The following CSMD2 variants were observed in gnomAD, a reference collection of about 807,000 sequenced individuals.
CSMD2 encodes CUB and sushi domain-containing protein 2.
CSMD2 carries 130 observed loss-of-function variants against 398.5 expected under a neutral mutation model. That is an observed-to-expected ratio of 0.33 (90% CI 0.28 to 0.38). The LOEUF (loss-of-function observed/expected upper bound fraction) is 0.38. CSMD2 is among the 10% of genes least tolerant of loss of function. The pLI is 1.00. For synonymous variants in CSMD2, 1,828 were observed against 1,908.5 expected (o/e 0.96, Z 1.10); for missense variants, 3,829 against 4,764.9 (o/e 0.80, Z 5.78).
chr1:33,673,353 G>C (rs1477476492), intron 25 of CSMD2, among the ~76,000 whole-genome samples: 1 of 152,222 alleles, frequency 6.6e-6, no homozygotes, highest in Non-Finnish European at 1.5e-5. Flanking sequence ...CTGTAAGAAA[G>C]GGTATCAGCG....
At chr1:33,838,337 GT>G (rs1270963547) in intron 6 of CSMD2, among the ~76,000 whole-genome samples, 5 of 152,190 alleles carry the variant, frequency 3.3e-5, no homozygotes, top group African/African-American at 7.2e-5. Flanking sequence ...TTTTGCTAGA[GT>G]TTTCTTTGCA....
intron 5 of CSMD2, among the ~76,000 whole-genome samples, chr1:33,914,197 C>A (rs1643606159): frequency 6.6e-6 from 1 of 152,064 alleles, no homozygotes; most frequent in Non-Finnish European, 1.5e-5. Context: ...AGAAAGAAAA[C>A]CCACCACCCC....
At chr1:33,907,849 G>T (rs1168990462) in intron 5 of CSMD2, among the ~76,000 whole-genome samples, 1 of 152,074 alleles carries the variant, frequency 6.6e-6, no homozygotes, top group Non-Finnish European at 1.5e-5. Context: ...GTACAGACTG[G>T]GCTGGGCGTG....
chr1:33,929,872 GGC>G (rs1644256774), intron 4 of CSMD2, among the ~76,000 whole-genome samples: 4 of 152,040 alleles, frequency 2.6e-5, no homozygotes, highest in African/African-American at 4.8e-5. Context: ...TCACACAACA[GGC>G]TCCTCCTTGT....
intron 13 of CSMD2, among the ~76,000 whole-genome samples, chr1:33,753,048 A>T (rs772042577): frequency 1.3e-5 from 2 of 152,252 alleles, no homozygotes; most frequent in Non-Finnish European, 2.9e-5. Context: ...GTTGGGACTT[A>T]CATTTGAAAG....
chr1:33,717,032 TAAACA>T (rs1406526852), intron 19 of CSMD2, among the ~76,000 whole-genome samples: 1 of 151,226 alleles, frequency 6.6e-6, no homozygotes, highest in Non-Finnish European at 1.5e-5. Flanking sequence ...CACCAAGGAG[TAAACA>T]ATTGACATGG....
At chr1:34,152,253 T>G (rs1254010151) in intron 1 of CSMD2, among the ~76,000 whole-genome samples, 3 of 152,190 alleles carry the variant, frequency 2.0e-5, no homozygotes, top group Non-Finnish European at 4.4e-5. Flanking sequence ...TCATGTACTT[T>G]TGACTGTTCA....
intron 52 of CSMD2, among the ~76,000 whole-genome samples, chr1:33,568,136 A>AC (rs1180190023): frequency 1.2e-4 from 19 of 152,116 alleles, no homozygotes; most frequent in Non-Finnish European, 2.2e-4. Context: ...CCTTCTATAA[A>AC]AAAACAAACA....
chr1:33,820,580 A>AAAC, intron 7 of CSMD2, 24 bp from the exon 8 acceptor site: 2 of 1,176,008 alleles, frequency 1.7e-6, no homozygotes, highest in South Asian at 1.3e-5. Flanking sequence ...AAAAAAAAAA[A>AAAC]AAAAAAAACA....
intron 25 of CSMD2, among the ~76,000 whole-genome samples, chr1:33,675,198 T>A (rs562018508): frequency 6.6e-6 from 1 of 151,902 alleles, no homozygotes; most frequent in Admixed American, 6.5e-5. Context: ...TCAACAAAAT[T>A]GATAGACTGC....
At chr1:34,065,162 C>A (rs942115405) in intron 2 of CSMD2, among the ~76,000 whole-genome samples, 1 of 152,168 alleles carries the variant, frequency 6.6e-6, no homozygotes, top group Non-Finnish European at 1.5e-5. Flanking sequence ...CTCCCCCAAC[C>A]CCACCTCATG....
Position 33,537,051 on chromosome 1 carries a change from C to T in CSMD2, c.9850G>A (p.Gly3284Arg), listed in dbSNP as rs746066831. ...TCADPGVPQF[G>R]IQNNSQGYQV... ...TAGCCCTGAGAATTGTTCTGTATCCCAAACTGTGGCACACCAGGGTCCGCA... is the reference window on the plus strand; with the variant it reads ...TAGCCCTGAGAATTGTTCTGTATCCTAAACTGTGGCACACCAGGGTCCGCA... Residue 3284 changes from glycine (G) to arginine (R), a missense_variant, in exon 62 of 71, where the codon GGG becomes AGG. Gly to Arg is a moderately radical substitution (Grantham distance 125). Transcript: ENST00000373381. The surrounding 1 kb of genome is among the most constrained non-coding windows in gnomAD (Gnocchi z 4.6). The T allele has an allele frequency of 6.2e-7, 1 of 1,614,168 alleles. No individual in the cohort carries two copies. Among genetic ancestry groups the T allele is most frequent in the Non-Finnish European group, 8.5e-7 (1 of 1,180,028 alleles).
At chr1:34,009,307 G>T (rs1316456190) in intron 3 of CSMD2, among the ~76,000 whole-genome samples, 1 of 149,344 alleles carries the variant, frequency 6.7e-6, no homozygotes, top group Non-Finnish European at 1.5e-5. Context: ...TTCTCTACTT[G>T]CTCACCTCCA....
chr1:33,915,454 G>T (rs1327724783), intron 5 of CSMD2, among the ~76,000 whole-genome samples: 1 of 152,192 alleles, frequency 6.6e-6, no homozygotes, highest in Non-Finnish European at 1.5e-5. Flanking sequence ...CACCAACCCT[G>T]TAAATAATTA....
At chr1:33,981,984 G>C (rs1379430273) in intron 3 of CSMD2, among the ~76,000 whole-genome samples, 1 of 152,188 alleles carries the variant, frequency 6.6e-6, no homozygotes, top group Non-Finnish European at 1.5e-5. Context: ...CAGAGTGGCT[G>C]TAAGTCTGCT....
intron 25 of CSMD2, among the ~76,000 whole-genome samples, chr1:33,682,830 A>AC (rs1557724819): frequency 6.6e-6 from 1 of 152,024 alleles, no homozygotes; most frequent in East Asian, 1.9e-4. Flanking sequence ...AAGCACTCCC[A>AC]CCCCTTGGAA....
At chr1:34,021,853 G>A (rs1286378260) in intron 3 of CSMD2, among the ~76,000 whole-genome samples, 2 of 152,210 alleles carry the variant, frequency 1.3e-5, no homozygotes, top group African/African-American at 4.8e-5. Flanking sequence ...GTGGTTAGGA[G>A]CAATTAAGCA....
At chr1:33,956,378 T>C (rs922626107) in intron 3 of CSMD2, among the ~76,000 whole-genome samples, 3 of 152,170 alleles carry the variant, frequency 2.0e-5, no homozygotes, top group African/African-American at 7.2e-5. Flanking sequence ...TCTATGAGTT[T>C]GACTAGTCCA....
At chr1:33,935,009 A>C (rs1372059284) in intron 4 of CSMD2, among the ~76,000 whole-genome samples, 11 of 149,638 alleles carry the variant, frequency 7.4e-5, no homozygotes, top group Admixed American at 6.6e-5. Context: ...GTCTCAAATA[A>C]AATTAAAAAA....
Sources: allele counts gnomAD v4.1 joint callset (sites outside exome capture counted in the v4.1 genomes callset), GRCh38; gene constraint gnomAD v4.1.1; non-coding constraint Gnocchi (gnomAD v3.1); transcripts MANE v1.5; gene names NCBI Gene and HGNC (gene_info 2026-07-23, HGNC 2026-07-21).